The following WDR33 variants were observed in gnomAD, a reference collection of about 807,000 sequenced individuals.
The protein encoded by WDR33 is WD repeat domain 33.
A neutral mutation model predicts 164.9 loss-of-function variants in WDR33; 47 were observed. That is an observed-to-expected ratio of 0.29 (90% CI 0.23 to 0.36). WDR33 has a LOEUF of 0.36. Among genes scored for constraint, WDR33 ranks in the 10% least tolerant of loss-of-function variants. The pLI is 1.00. For synonymous variants in WDR33, 505 were observed against 589.0 expected (o/e 0.86, Z 2.06); for missense variants, 1,137 against 1,754.1 (o/e 0.65, Z 6.28).
At position 127,705,088 on chromosome 2, in the gene WDR33, AAAAG is replaced by A. The variant is rs545991451; in HGVS notation, c.*1231_*1234del. 2 of 166,936 alleles carry A rather than the reference AAAAG, an allele frequency of 1.2e-5. No homozygotes were observed. Among genetic ancestry groups the A allele is most frequent in the African/African-American group, 2.4e-5 (1 of 41,440 alleles). The allele number at this position is 166,936 out of a possible 1,614,324, so 10.3% of individuals were successfully genotyped here. A position where few individuals can be genotyped will look rare whatever the true frequency, so the allele number is the denominator to read the frequency against. ...GACTCTGTCAAAAAAGGAAAAGAAAAAAAGAAACTTCCAGCACCACTAAATTTGC... is the reference window on the plus strand; with the variant it reads ...GACTCTGTCAAAAAAGGAAAAGAAAAAAACTTCCAGCACCACTAAATTTGC... On this transcript the variant is annotated 3_prime_UTR_variant, in exon 22 of 22. Coordinates refer to ENST00000322313, the MANE Select transcript of WDR33 (RefSeq NM_018383.5). The surrounding 1 kb of genome is among the most constrained non-coding windows in gnomAD (Gnocchi z 4.5).
In WDR33 at chr2:127,764,330, A is replaced by T; in HGVS notation, c.626+498T>A. 7.3e-7 allele frequency: 1 copy of T among 1,363,456 alleles called. No individual in the cohort carries two copies. Among genetic ancestry groups the T allele is most frequent in the South Asian group, 2.1e-5 (1 of 48,744 alleles). 84.5% of individuals were successfully genotyped at this position (1,363,456 alleles called of 1,614,324 possible). A position where few individuals can be genotyped will look rare whatever the true frequency, so the allele number is the denominator to read the frequency against. On this transcript the variant is annotated intron_variant, in intron 6 of 21. Transcript: ENST00000322313. The surrounding 1 kb of genome is among the most constrained non-coding windows in gnomAD (Gnocchi z 6.2). ...CCGTTAATGTTTGCCACATCCAGTT[A>T]TCTGTGAGGGTTTTAGTCCTATACT... is the stretch of plus-strand genomic sequence containing the variant.
chr2:127,764,398 A>G lies in WDR33; in HGVS notation c.626+430T>C, dbSNP rs1286880574. 3 of 1,443,216 alleles carry G rather than the reference A, an allele frequency of 2.1e-6. No homozygotes were observed. The African/African-American group carries it at 4.3e-5, about 21-fold the overall frequency. The allele number at this position is 1,443,216 out of a possible 1,614,324, so 89.4% of individuals were successfully genotyped here. A position where few individuals can be genotyped will look rare whatever the true frequency, so the allele number is the denominator to read the frequency against. On this transcript the variant is annotated intron_variant, in intron 6 of 21. Transcript: ENST00000322313. This position sits in a 1 kb window ranked among gnomAD's most constrained non-coding sequence, Gnocchi z 6.2. ...GCATAACCAAGCCAACCAGGTCTTCACTTAAGCCTTTTTCCACTTTGTGTG... is the reference window on the plus strand; with the variant it reads ...GCATAACCAAGCCAACCAGGTCTTCGCTTAAGCCTTTTTCCACTTTGTGTG...
At position 127,719,499 on chromosome 2, in the gene WDR33, T is replaced by C; in HGVS notation, c.2526A>G (p.Gln842=). The C allele has an allele frequency of 3.7e-6, 6 of 1,612,118 alleles. No homozygotes were observed. The highest frequency in any genetic ancestry group is 5.1e-6 in the Non-Finnish European group (6 of 1,178,898). ...CCTGGGGAGGTCCCAGCATTGATCC[T>C]TGGGGTGGAGGCCCCTGCATGCCTC... ...EIRGMQGPPP[Q]GSMLGPPQEL... Residue 842 remains glutamine, a synonymous_variant, in exon 16 of 22, where the codon CAA becomes CAG. Transcript: ENST00000322313. The surrounding 1 kb of genome is among the most constrained non-coding windows in gnomAD (Gnocchi z 6.5).
chr2:127,779,358 T>G (rs140844582), intron 1 of WDR33, among the ~76,000 whole-genome samples: 1 of 151,852 alleles, frequency 6.6e-6, no homozygotes, highest in African/African-American at 2.4e-5. Context: ...CCCAGCTACT[T>G]GGGAGGCTGG....
intron 1 of WDR33, among the ~76,000 whole-genome samples, chr2:127,784,350 C>G (rs1688488139): frequency 6.6e-6 from 1 of 152,158 alleles, no homozygotes; most frequent in Non-Finnish European, 1.5e-5. Context: ...TTATGAAATA[C>G]TAACTGCAAT....
At chr2:127,752,655 G>A (rs940388368) in intron 7 of WDR33, among the ~76,000 whole-genome samples, 1 of 150,032 alleles carries the variant, frequency 6.7e-6, no homozygotes, top group Admixed American at 6.6e-5. Context: ...GCAGCCTGCT[G>A]CTATGAGCTG....
Position 127,733,420 on chromosome 2 carries a change from C to T in WDR33, c.725-6643G>A, listed in dbSNP as rs539016707. Among the ~76,000 whole-genome samples, 7 of 152,242 alleles carry T rather than the reference C, an allele frequency of 4.6e-5. 1 individual carries two copies. The South Asian group carries it at 1.0e-3, about 23-fold the overall frequency. ...GCAGTACGACTTGGACTTGGAGGTA[C>T]AATTGCAAAATTCTAAAATTAAGAC... On this transcript the variant is annotated intron_variant, in intron 7 of 21. Transcript: ENST00000322313.
At chr2:127,733,701 G>A (rs554126485) in intron 7 of WDR33, among the ~76,000 whole-genome samples, 124 of 151,698 alleles carry the variant, frequency 8.2e-4, no homozygotes, top group African/African-American at 2.7e-3. Flanking sequence ...TACTTCCGTC[G>A]TCACAAAACA....
intron 7 of WDR33, among the ~76,000 whole-genome samples, chr2:127,744,522 C>T (rs1687113614): frequency 1.3e-5 from 2 of 152,072 alleles, no homozygotes; most frequent in Non-Finnish European, 2.9e-5. Flanking sequence ...TTAAAAGCAT[C>T]TTTTTGTATA....
intron 4 of WDR33, 107 bp downstream of exon 4, chr2:127,768,082 C>T: frequency 1.5e-6 from 1 of 657,778 alleles, no homozygotes; most frequent in Non-Finnish European, 2.3e-6. Context: ...CAATTATAAG[C>T]CCAGATATAC....
In WDR33 at chr2:127,714,167, G is replaced by T; in HGVS notation, c.2870-146C>A. The T allele has an allele frequency of 1.0e-6, 1 of 982,822 alleles. No homozygotes were observed. The highest frequency in any genetic ancestry group is 1.7e-5 in the African/African-American group (1 of 60,234). The allele number at this position is 982,822 out of a possible 1,614,324, so 60.9% of individuals were successfully genotyped here. ...TTCTCAGCTTAGTTAGGAGACAAAT[G>T]TCCCTGAAGCATTGGGTAATAGAAC... On this transcript the variant is annotated intron_variant, in intron 17 of 21. Transcript: ENST00000322313. The surrounding 1 kb of genome is among the most constrained non-coding windows in gnomAD (Gnocchi z 4.3).
At chr2:127,772,855 G>T (rs1688053503) in intron 1 of WDR33, among the ~76,000 whole-genome samples, 1 of 151,628 alleles carries the variant, frequency 6.6e-6, no homozygotes, top group South Asian at 2.1e-4. Context: ...AGGCATGGTG[G>T]CTCACATCTG....
At position 127,724,361 on chromosome 2, in the gene WDR33, G is replaced by A. The variant is rs747534071; in HGVS notation, c.1168C>T (p.Leu390Phe). 6.2e-7 allele frequency: 1 copy of A among 1,614,140 alleles called. No homozygotes were observed. The highest frequency in any genetic ancestry group is 8.5e-7 in the Non-Finnish European group (1 of 1,180,006). The change falls in exon 11 of 22, where the codon CTC (leucine) becomes TTC (phenylalanine). Residue 390 changes from leucine (L) to phenylalanine (F), a missense_variant. Leu to Phe is a conservative substitution (Grantham distance 22). This residue lies in a region of WDR33 where 21 missense variants were observed against 102.2 expected (regional missense o/e 0.21). Coordinates refer to ENST00000322313, the MANE Select transcript of WDR33 (RefSeq NM_018383.5). The surrounding 1 kb of genome is among the most constrained non-coding windows in gnomAD (Gnocchi z 4.8). ...GTATGGTCATTTGAGCCTGAGCAGAGAATATGCCCAAGAGGATGCCAAGCC... is the reference window on the plus strand; with the variant it reads ...GTATGGTCATTTGAGCCTGAGCAGAAAATATGCCCAAGAGGATGCCAAGCC... ...SLAWHPLGHI[L>F]CSGSNDHTSK...
intron 1 of WDR33, among the ~76,000 whole-genome samples, chr2:127,794,204 CAAGA>C (rs376844674): frequency 0.04 from 3,073 of 77,680 alleles, 99 homozygotes; most frequent in African/African-American, 0.13. Flanking sequence ...AGCAAGCAAG[CAAGA>C]AAGAAAGCCG....
rs1254681731 is a variant in WDR33 at position 127,720,650 on chromosome 2, A to T, written c.1672-297T>A. Among the ~76,000 whole-genome samples, 2 of 150,828 alleles carry T rather than the reference A, an allele frequency of 1.3e-5. No individual in the cohort carries two copies. Among genetic ancestry groups the T allele is most frequent in the Non-Finnish European group, 3.0e-5 (2 of 67,788 alleles). On this transcript the variant is annotated intron_variant, in intron 15 of 21. Coordinates refer to ENST00000322313, the MANE Select transcript of WDR33 (RefSeq NM_018383.5). The surrounding 1 kb of genome is among the most constrained non-coding windows in gnomAD (Gnocchi z 5.9). ...TACGATCGTGGTTCACTACAGCCTC[A>T]CCCTCCTGGGCTCAAGTGATCCTCC...
intron 17 of WDR33, among the ~76,000 whole-genome samples, chr2:127,715,095 T>C (rs1302562027): frequency 2.7e-5 from 4 of 145,550 alleles, no homozygotes; most frequent in East Asian, 3.9e-4. Context: ...TTTCTTTTTT[T>C]TTTTTTTTTT....
intron 1 of WDR33, among the ~76,000 whole-genome samples, chr2:127,802,250 T>C (rs1210796687): frequency 1.3e-5 from 2 of 151,912 alleles, no homozygotes; most frequent in Non-Finnish European, 2.9e-5. Flanking sequence ...CACAAGCATA[T>C]ACAGCATGCC....
Position 127,709,740 on chromosome 2 carries a change from G to A in WDR33, c.3425C>T (p.Ala1142Val), listed in dbSNP as rs139877926. 1.3e-4 allele frequency: 206 copies of A among 1,614,188 alleles called. 2 individuals are homozygous for A. The Middle Eastern group carries it at 5.1e-3, about 40-fold the overall frequency. The stretch of plus-strand genomic sequence containing the variant: ...ACCTCTGAGATCTCGTCCTCGGGCC[G>A]CTTCCTCAGAAGCATCAAAATTCTC... ...PEENFDASEE[A>V]ARGRDLRGRG... Residue 1142 changes from alanine (A) to valine (V), a missense_variant, in exon 19 of 22, where the codon GCG becomes GTG. Physicochemically the swap from Ala to Val is moderately conservative, Grantham distance 64 (BLOSUM62 0). Transcript: ENST00000322313. This position sits in a 1 kb window ranked among gnomAD's most constrained non-coding sequence, Gnocchi z 5.0.
intron 1 of WDR33, among the ~76,000 whole-genome samples, chr2:127,805,965 A>C (rs1403705876): frequency 1.3e-5 from 2 of 148,466 alleles, no homozygotes; most frequent in Admixed American, 6.7e-5. Context: ...AAAAAAAAAA[A>C]CCGCAGGTGT....
Sources: gnomAD v4.1 joint callset for allele counts (sites outside exome capture counted in the v4.1 genomes callset) on GRCh38, gnomAD v4.1.1 for gene constraint, gnomAD v4.1.1 regional missense constraint, Gnocchi (gnomAD v3.1) non-coding constraint, MANE v1.5 for transcripts, NCBI Gene and HGNC (gene_info 2026-07-23, HGNC 2026-07-21) for gene names.